Variants in SUPT6H observed in about 807,000 individuals in gnomAD.
The protein encoded by SUPT6H is transcription elongation factor SPT6.
Under a neutral mutation model 222.3 loss-of-function variants are expected in SUPT6H, and 11 were observed. The observed-to-expected ratio is 0.05, with a 90% CI of 0.03 to 0.08. The LOEUF (loss-of-function observed/expected upper bound fraction) is 0.08. Among genes scored for constraint, SUPT6H ranks in the 10% least tolerant of loss-of-function variants. SUPT6H has a pLI of 1.00. For missense variants in SUPT6H, 1,422 were observed against 2,216.0 expected (o/e 0.64, Z 7.19); for synonymous variants, 762 against 801.2 (o/e 0.95, Z 0.83).
chr17:28,669,333 A>G (rs1379271718), intron 1 of SUPT6H, among the ~76,000 whole-genome samples: 1 of 152,074 alleles, frequency 6.6e-6, no homozygotes, highest in African/African-American at 2.4e-5. Flanking sequence ...CTGGGACTAC[A>G]GGCGCCTGCC....
chr17:28,691,218 T>C, intron 27 of SUPT6H, 155 bp downstream of exon 27: 1 of 1,051,900 alleles, frequency 9.5e-7, no homozygotes, highest in African/African-American at 1.6e-5. Flanking sequence ...AGGTTTAGCA[T>C]GAAGTCCCTT....
chr17:28,686,451 G>A lies in SUPT6H; in HGVS notation c.2564+36G>A, dbSNP rs201829924. 34 of 1,602,166 alleles carry A rather than the reference G, an allele frequency of 2.1e-5. No individual in the cohort carries two copies. In the Admixed American group the frequency reaches 3.5e-4, roughly 17 times the overall value. On this transcript the variant is annotated intron_variant, in intron 20 of 36. Transcript: ENST00000314616. Reference sequence around the variant, plus strand: ...ATTAGACCACACCTGGTTTAAGGCCGTGACCCAACTCATCCCTTATTATTG... The same window carrying A: ...ATTAGACCACACCTGGTTTAAGGCCATGACCCAACTCATCCCTTATTATTG...
chr17:28,684,744 C>T lies in SUPT6H; in HGVS notation c.2369+19C>T, dbSNP rs552893398. 8.1e-6 allele frequency: 13 copies of T among 1,613,524 alleles called. No individual in the cohort carries two copies. In the East Asian group the frequency reaches 2.5e-4, roughly 30 times the overall value. On this transcript the variant is annotated intron_variant, in intron 18 of 36. Transcript: ENST00000314616. ...CTGCCAGGTAACAGCCTATTTTTGC[C>T]TCCCCAGCACCATCTCTTGTCTTCC...
rs1471291603 is a variant in SUPT6H at position 28,681,863 on chromosome 17, C to T, written c.1499-19C>T. On this transcript the variant is annotated intron_variant, in intron 12 of 36. Transcript: ENST00000314616. ...GATTGGAAACTAGAACCCTAAATCT[C>T]CCCATGTTTTCTTCCCAGGTGAAGG... 6.3e-7 allele frequency: 1 copy of T among 1,594,482 alleles called. No individual in the cohort carries two copies. The highest frequency in any genetic ancestry group is 1.3e-5 in the African/African-American group (1 of 74,730).
At position 28,688,790 on chromosome 17, in the gene SUPT6H, C is replaced by T. The variant is rs2031512723; in HGVS notation, c.3135-564C>T. The T allele has an allele frequency of 6.5e-6, 1 of 154,096 alleles. No homozygotes were observed. Among genetic ancestry groups the T allele is most frequent in the Non-Finnish European group, 1.4e-5 (1 of 69,438 alleles). The allele number at this position is 154,096 out of a possible 1,614,324, so 9.5% of individuals were successfully genotyped here. A position where few individuals can be genotyped will look rare whatever the true frequency, so the allele number is the denominator to read the frequency against. On this transcript the variant is annotated intron_variant, in intron 24 of 36. Transcript: ENST00000314616. The surrounding 1 kb of genome is among the most constrained non-coding windows in gnomAD (Gnocchi z 4.3). ...AAATAGGCTTCAAGTTCTAAAACTTCATTTTCCACTCAGCTTTGCTGTAAC... is the reference window on the plus strand; with the variant it reads ...AAATAGGCTTCAAGTTCTAAAACTTTATTTTCCACTCAGCTTTGCTGTAAC...
At chr17:28,700,302 C>T (rs369207425) in intron 34 of SUPT6H, 44 bp from the exon 35 acceptor site, 12 of 1,614,030 alleles carry the variant, frequency 7.4e-6, no homozygotes, top group Non-Finnish European at 1.0e-5. Flanking sequence ...GCTAAAGGGA[C>T]TTTCACCTCT....
Position 28,677,785 on chromosome 17 carries a change from A to G in SUPT6H, c.968A>G (p.Asn323Ser). 1 of 1,614,224 alleles carries G rather than the reference A, an allele frequency of 6.2e-7. No individual in the cohort carries two copies. Residue 323 changes from asparagine to serine, a missense_variant, in exon 8 of 37, where the codon AAT (asparagine) becomes AGT (serine). By Grantham distance (46) the Asn-to-Ser change is conservative (BLOSUM62 1). Coordinates refer to ENST00000314616, the MANE Select transcript of SUPT6H (RefSeq NM_003170.5). ...GAAGAAGCTGACTGGATCTACAGGA[A>G]TGCTTTTGCCACACCAACCATTTCT... ...LEEEADWIYR[N>S]AFATPTISLQ...
At chr17:28,681,596 C>T (rs571744390) in intron 12 of SUPT6H, among the ~76,000 whole-genome samples, 192 bp downstream of exon 12, 1 of 152,008 alleles carries the variant, frequency 6.6e-6, no homozygotes, top group South Asian at 2.1e-4. Flanking sequence ...TGGCACATGC[C>T]GGTAATCCCA....
chr17:28,698,483 G>A (rs1176229079), intron 32 of SUPT6H, among the ~76,000 whole-genome samples: 1 of 141,296 alleles, frequency 7.1e-6, no homozygotes, highest in Non-Finnish European at 1.6e-5. Context: ...TCTGTCTCCT[G>A]CTCTGCCTGC....
intron 35 of SUPT6H, 63 bp downstream of exon 35, chr17:28,700,575 T>G: frequency 4.5e-6 from 7 of 1,568,426 alleles, no homozygotes; most frequent in Non-Finnish European, 6.1e-6. Flanking sequence ...CCTCTCGCAT[T>G]GCCCACAAGG....
Position 28,691,003 on chromosome 17 carries a change from T to G in SUPT6H, c.3573T>G (p.Asp1191Glu), listed in dbSNP as rs375086657. 2 of 1,614,010 alleles carry G rather than the reference T, an allele frequency of 1.2e-6. No individual in the cohort carries two copies. Among genetic ancestry groups the G allele is most frequent in the South Asian group, 1.1e-5 (1 of 91,084 alleles). ...GCTATGACCAGGCGATCCGCAATGATGAGACAGGGCTGTGGCAGTGCCCCT... is the reference window on the plus strand; with the variant it reads ...GCTATGACCAGGCGATCCGCAATGAGGAGACAGGGCTGTGGCAGTGCCCCT... The part of the protein sequence containing the change: ...GESYDQAIRN[D>E]ETGLWQCPFC... Residue 1191 changes from aspartate (D) to glutamate (E), a missense_variant, in exon 27 of 37, where the codon GAT becomes GAG. Around this residue, in one of 13 missense-constraint regions of SUPT6H, gnomAD observed 60 missense variants for 96.7 expected, o/e 0.62. Coordinates refer to ENST00000314616, the MANE Select transcript of SUPT6H (RefSeq NM_003170.5).
chr17:28,681,737 A>G, intron 12 of SUPT6H, 145 bp from the exon 13 acceptor site: 3 of 720,418 alleles, frequency 4.2e-6, no homozygotes, highest in Non-Finnish European at 6.7e-6. Context: ...AAAATCAAGA[A>G]AGAAAACCCA....
At chr17:28,697,866 A>G in intron 31 of SUPT6H, 40 bp from the exon 32 acceptor site, 2 of 1,610,730 alleles carry the variant, frequency 1.2e-6, no homozygotes, top group East Asian at 2.2e-5. Context: ...TGTACCAAGC[A>G]TGCTGCTATC....
chr17:28,697,763 C>T, intron 31 of SUPT6H, 30 bp downstream of exon 31: 1 of 1,611,918 alleles, frequency 6.2e-7, no homozygotes, highest in Non-Finnish European at 8.5e-7. Flanking sequence ...AGGAATGACA[C>T]TTGCCAATCA....
intron 27 of SUPT6H, among the ~76,000 whole-genome samples, chr17:28,692,269 A>T (rs1239926384): frequency 6.8e-6 from 1 of 146,868 alleles, no homozygotes; most frequent in African/African-American, 2.5e-5. Context: ...GCCTGCAGTG[A>T]GCCGAGATTG....
intron 19 of SUPT6H, among the ~76,000 whole-genome samples, chr17:28,685,489 T>G (rs2031336912): frequency 6.7e-6 from 1 of 148,636 alleles, no homozygotes; most frequent in South Asian, 2.1e-4. Context: ...ATTATTATTA[T>G]TATTATTATT....
chr17:28,675,729 T>C (rs564187811), intron 6 of SUPT6H, among the ~76,000 whole-genome samples: 2 of 152,370 alleles, frequency 1.3e-5, no homozygotes, highest in South Asian at 4.1e-4. Context: ...GGCTCCAGCA[T>C]TCCTCTTCCG....
At chr17:28,669,383 G>GT (rs1287097524) in intron 1 of SUPT6H, among the ~76,000 whole-genome samples, 1 of 152,174 alleles carries the variant, frequency 6.6e-6, no homozygotes, top group Non-Finnish European at 1.5e-5. Flanking sequence ...TGGAGGCAGA[G>GT]TTTCACCATG....
At chr17:28,666,993 T>C (rs967542451) in intron 1 of SUPT6H, among the ~76,000 whole-genome samples, 2 of 152,134 alleles carry the variant, frequency 1.3e-5, no homozygotes, top group Non-Finnish European at 2.9e-5. Flanking sequence ...TTAAGTAGAC[T>C]CTAAATACTT....
Sources: gnomAD v4.1 joint callset for allele counts (sites outside exome capture counted in the v4.1 genomes callset) on GRCh38, gnomAD v4.1.1 for gene constraint, gnomAD v4.1.1 regional missense constraint, Gnocchi (gnomAD v3.1) non-coding constraint, MANE v1.5 for transcripts, NCBI Gene and HGNC (gene_info 2026-07-23, HGNC 2026-07-21) for gene names.